IKBKE: variants seen among roughly 807,000 people sequenced by gnomAD.
IKBKE encodes inhibitor of nuclear factor kappa B kinase subunit epsilon.
IKBKE carries 45 observed loss-of-function variants against 92.1 expected under a neutral mutation model. That is an observed-to-expected ratio of 0.49 (90% CI 0.38 to 0.63). The LOEUF is 0.63. IKBKE is among the 20% of genes least tolerant of loss of function. The pLI, the probability that IKBKE is intolerant of heterozygous loss-of-function variation, is 0.00. For missense variants in IKBKE, 700 were observed against 932.8 expected, an observed-to-expected ratio of 0.75 and a Z score of 3.25; for synonymous variants, 374 against 380.3, an observed-to-expected ratio of 0.98 and a Z score of 0.19.
At position 206,478,036 on chromosome 1, in the gene IKBKE, C is replaced by T; in HGVS notation, c.813-124C>T. 1 of 812,576 alleles carries T rather than the reference C, an allele frequency of 1.2e-6. No individual in the cohort carries two copies. Among genetic ancestry groups the T allele is most frequent in the Non-Finnish European group, 2.0e-6 (1 of 505,256 alleles). 50.3% of individuals were successfully genotyped at this position (812,576 alleles called of 1,614,324 possible). The stretch of plus-strand genomic sequence containing the variant: ...TTCTTCCAGCTCTTCCTCCCCAACC[C>T]ACCCTGCCCCACCATCTTGGTCCTA... On this transcript the variant is annotated intron_variant, in intron 8 of 21. Transcript: ENST00000581977. The surrounding 1 kb of genome is among the most constrained non-coding windows in gnomAD (Gnocchi z 4.8).
At chr1:206,484,880 A>G in intron 13 of IKBKE, 117 bp from the exon 14 acceptor site, 1 of 789,370 alleles carries the variant, frequency 1.3e-6, no homozygotes, top group Middle Eastern at 3.8e-4. Flanking sequence ...AGACCCGGAG[A>G]GCCACCAAGG....
Position 206,489,369 on chromosome 1 carries a change from G to GTA in IKBKE, c.1693+1410_1693+1411dup, listed in dbSNP as rs368827445. ...TATGTGTGTGTGTGTGTGTGTGTGTGTATATATATATATATATATATATAT... is the reference window on the plus strand; with the variant it reads ...TATGTGTGTGTGTGTGTGTGTGTGTGTATATATATATATATATATATATATAT... On this transcript the variant is annotated intron_variant, in intron 16 of 21. Coordinates refer to ENST00000581977, the MANE Select transcript of IKBKE (RefSeq NM_014002.4). Among the ~76,000 whole-genome samples, 83 of 119,204 alleles carry GTA rather than the reference G, an allele frequency of 7.0e-4. 1 individual carries two copies. Among genetic ancestry groups the GTA allele is most frequent in the African/African-American group, 2.5e-3 (71 of 28,886 alleles). The allele number at this position is 119,204 out of a possible 152,430, so 78.2% of individuals were successfully genotyped here.
intron 21 of IKBKE, among the ~76,000 whole-genome samples, chr1:206,495,567 G>A (rs1553391911): frequency 6.6e-6 from 1 of 152,124 alleles, no homozygotes. Flanking sequence ...TCCTGTTCCA[G>A]CAAGAGAACT....
chr1:206,485,064 C>A lies in IKBKE; in HGVS notation c.1495C>A (p.Leu499Met). The A allele has an allele frequency of 1.9e-6, 3 of 1,613,924 alleles. No homozygotes were observed. Among genetic ancestry groups the A allele is most frequent in the Non-Finnish European group, 2.5e-6 (3 of 1,179,768 alleles). ...LKAAAELRSR[L>M]RTLAEVLSRC... is the part of the protein sequence containing the mutation. ...GGCGGCTGCAGAACTGAGGTCCAGG[C>A]TGCGGACTGTGAGTGAGGCTGGAGG... Residue 499 changes from leucine (L) to methionine (M), a missense_variant, in exon 14 of 22, where the codon CTG becomes ATG. By Grantham distance (15) the Leu-to-Met change is conservative. Coordinates refer to ENST00000581977, the MANE Select transcript of IKBKE (RefSeq NM_014002.4). This position sits in a 1 kb window ranked among gnomAD's most constrained non-coding sequence, Gnocchi z 5.0.
intron 21 of IKBKE, among the ~76,000 whole-genome samples, chr1:206,495,196 A>G (rs575732203): frequency 2.2e-4 from 33 of 152,144 alleles, no homozygotes; most frequent in African/African-American, 5.8e-4. Context: ...CTGAGAACCA[A>G]TGGCAGGGTA....
chr1:206,480,142 G>C, intron 12 of IKBKE, 29 bp downstream of exon 12: 1 of 1,505,268 alleles, frequency 6.6e-7, no homozygotes, highest in Non-Finnish European at 8.9e-7. Context: ...TGGGCACAGA[G>C]GGGGAGGCGG....
At chr1:206,475,551 A>G (rs1310364659) in intron 5 of IKBKE, among the ~76,000 whole-genome samples, 1 of 152,178 alleles carries the variant, frequency 6.6e-6, no homozygotes, top group Non-Finnish European at 1.5e-5. Context: ...TCTGGCGAAC[A>G]CGGTGAAACC....
rs941044531 is a variant in IKBKE at position 206,485,081 on chromosome 1, G to C, written c.1503+9G>C. 2.5e-6 allele frequency: 4 copies of C among 1,613,076 alleles called. No homozygotes were observed. Among genetic ancestry groups the C allele is most frequent in the Non-Finnish European group, 3.4e-6 (4 of 1,179,010 alleles). On this transcript the variant is annotated intron_variant, in intron 14 of 21. Transcript: ENST00000581977. The surrounding 1 kb of genome is among the most constrained non-coding windows in gnomAD (Gnocchi z 5.0). ...GGTCCAGGCTGCGGACTGTGAGTGA[G>C]GCTGGAGGGCAAGGGCTTAGCAGGA...
At chr1:206,489,637 A>G (rs1553389767) in intron 16 of IKBKE, among the ~76,000 whole-genome samples, 1 of 151,994 alleles carries the variant, frequency 6.6e-6, no homozygotes, top group Non-Finnish European at 1.5e-5. Flanking sequence ...GGGAGCTGGG[A>G]GTTCGAGACT....
rs782687981 is a variant in IKBKE at position 206,478,220 on chromosome 1, G to A, written c.873G>A (p.Lys291=). The A allele has an allele frequency of 7.4e-6, 12 of 1,614,094 alleles. No homozygotes were observed. The highest frequency in any genetic ancestry group is 1.0e-5 in the Non-Finnish European group (12 of 1,180,056). Reference sequence around the variant, plus strand: ...ACATCCTGGAGGTGGAGCAGGCCAAGTGCTGGGGCTTCGACCAGTTCTTTG... The same window carrying A: ...ACATCCTGGAGGTGGAGCAGGCCAAATGCTGGGGCTTCGACCAGTTCTTTG... ...LANILEVEQA[K]CWGFDQFFAE... Residue 291 remains lysine, a synonymous_variant, in exon 9 of 22, where the codon AAG becomes AAA. Coordinates refer to ENST00000581977, the MANE Select transcript of IKBKE (RefSeq NM_014002.4). The surrounding 1 kb of genome is among the most constrained non-coding windows in gnomAD (Gnocchi z 4.8).
intron 13 of IKBKE, among the ~76,000 whole-genome samples, chr1:206,481,803 G>A (rs1353304666): frequency 8.6e-5 from 10 of 115,826 alleles, no homozygotes; most frequent in East Asian, 3.0e-4. Context: ...TTTTTGAGAC[G>A]GAGCCTCGCT....
Position 206,478,162 on chromosome 1 carries a change from G to T in IKBKE, c.815G>T (p.Gly272Val). 6.2e-7 allele frequency: 1 copy of T among 1,613,428 alleles called. No homozygotes were observed. The highest frequency in any genetic ancestry group is 8.5e-7 in the Non-Finnish European group (1 of 1,179,964). ...TLPITCQLSL[G>V]LQSQLVPILA... is the part of the protein sequence containing the mutation. ...GTCTCCATGTCCTGGGAGGGCAGGG[G>T]GCTGCAGAGCCAGCTGGTGCCCATC... Residue 272 changes from glycine (G) to valine (V), a missense_variant and splice_region_variant, in exon 9 of 22, where the codon GGG (glycine) becomes GTG (valine). By Grantham distance (109) the Gly-to-Val change is moderately radical. Transcript: ENST00000581977. The surrounding 1 kb of genome is among the most constrained non-coding windows in gnomAD (Gnocchi z 4.8).
Position 206,485,392 on chromosome 1 carries a change from C to T in IKBKE, c.1616+86C>T. ...CAGTAACCTTTAGCCTTTTAGACGT[C>T]AGCTTGCATTCCCCTTTCTCTTGGC... On this transcript the variant is annotated intron_variant, in intron 15 of 21. Transcript: ENST00000581977. This position sits in a 1 kb window ranked among gnomAD's most constrained non-coding sequence, Gnocchi z 5.0. 1.3e-6 allele frequency: 1 copy of T among 778,246 alleles called. No individual in the cohort carries two copies. The highest frequency in any genetic ancestry group is 2.0e-5 in the Admixed American group (1 of 49,420). The allele number at this position is 778,246 out of a possible 1,614,324, so 48.2% of individuals were successfully genotyped here.
chr1:206,476,543 C>A lies in IKBKE; in HGVS notation c.541-135C>A. On this transcript the variant is annotated intron_variant, in intron 6 of 21. Transcript: ENST00000581977. The surrounding 1 kb of genome is among the most constrained non-coding windows in gnomAD (Gnocchi z 5.1). ...TCTAAGATGGAAAAGGTGAGGCTGA[C>A]ACCCATTTTTAAGATGACAAAGAAG... 2.5e-6 allele frequency: 3 copies of A among 1,181,418 alleles called. No homozygotes were observed. Among genetic ancestry groups the A allele is most frequent in the Non-Finnish European group, 3.6e-6 (3 of 830,962 alleles). The allele number at this position is 1,181,418 out of a possible 1,614,324, so 73.2% of individuals were successfully genotyped here. A position where few individuals can be genotyped will look rare whatever the true frequency, so the allele number is the denominator to read the frequency against.
Position 206,493,106 on chromosome 1 carries a change from A to G in IKBKE, c.1919A>G (p.Glu640Gly), listed in dbSNP as rs782547285. 4 of 1,592,034 alleles carry G rather than the reference A, an allele frequency of 2.5e-6. No individual in the cohort carries two copies. In the East Asian group the frequency reaches 9.0e-5, roughly 36 times the overall value. ...ACNTEAQGVQ[E>G]SLSKLLEELS... ...AACACAGAAGCCCAGGGGGTCCAGG[A>G]GAGTCTCAGCAAGGTGGGCATGGCA... is the stretch of plus-strand genomic sequence containing the variant. Residue 640 changes from glutamate (E) to glycine (G), a missense_variant, in exon 19 of 22, where the codon GAG becomes GGG. Coordinates refer to ENST00000581977, the MANE Select transcript of IKBKE (RefSeq NM_014002.4).
chr1:206,484,353 T>C (rs1165160991), intron 13 of IKBKE, among the ~76,000 whole-genome samples: 2 of 152,168 alleles, frequency 1.3e-5, no homozygotes, highest in Non-Finnish European at 2.9e-5. Context: ...GAATACATTA[T>C]TGATGATGCC....
Position 206,476,137 on chromosome 1 carries a change from G to A in IKBKE, c.359-44G>A, listed in dbSNP as rs1553385196. 6.3e-7 allele frequency: 1 copy of A among 1,599,954 alleles called. No homozygotes were observed. The highest frequency in any genetic ancestry group is 8.5e-7 in the Non-Finnish European group (1 of 1,169,800). ...CAAGATGAGCCTCAGACACTAGACT[G>A]TCCCCGACCAGAGCCAGCTAGTGGC... On this transcript the variant is annotated intron_variant, in intron 5 of 21. Transcript: ENST00000581977. The surrounding 1 kb of genome is among the most constrained non-coding windows in gnomAD (Gnocchi z 5.1).
At chr1:206,474,216 G>T in intron 3 of IKBKE, 115 bp from the exon 4 acceptor site, 1 of 1,003,664 alleles carries the variant, frequency 1.0e-6, no homozygotes, top group Non-Finnish European at 1.5e-6. Context: ...AATCTCTGGG[G>T]TTGGGCTGGC....
chr1:206,479,158 T>C, intron 10 of IKBKE, 25 bp downstream of exon 10: 2 of 1,530,040 alleles, frequency 1.3e-6, no homozygotes, highest in Middle Eastern at 3.5e-4. Flanking sequence ...CTGGGCTGGA[T>C]CTTTCTCCTC....
Sources: allele counts gnomAD v4.1 joint callset (sites outside exome capture counted in the v4.1 genomes callset), GRCh38; gene constraint gnomAD v4.1.1; non-coding constraint Gnocchi (gnomAD v3.1); transcripts MANE v1.5; gene names NCBI Gene and HGNC (gene_info 2026-07-23, HGNC 2026-07-21).